The following NFIA variants were observed in gnomAD, a reference collection of about 807,000 sequenced individuals.
NFIA encodes nuclear factor 1 A-type.
NFIA carries 8 observed loss-of-function variants against 62.8 expected under a neutral mutation model. That is an observed-to-expected ratio of 0.13 (90% CI 0.07 to 0.23). The LOEUF (loss-of-function observed/expected upper bound fraction) is 0.23. Among genes scored for constraint, NFIA ranks in the 10% least tolerant of loss-of-function variants. The probability of loss-of-function intolerance (pLI) is 1.00; values close to 1 mark genes in which losing one functional copy is unlikely to be tolerated. For missense variants in NFIA, 410 were observed against 642.1 expected (o/e 0.64, Z 3.91); for synonymous variants, 235 against 238.1 (o/e 0.99, Z 0.12).
At chr1:61,182,914 G>C (rs141817147) in intron 2 of NFIA, among the ~76,000 whole-genome samples, 1 of 152,210 alleles carries the variant, frequency 6.6e-6, no homozygotes, top group African/African-American at 2.4e-5. Context: ...TGAAAACCAT[G>C]AAAAGGCTTT....
At chr1:61,120,042 A>G (rs759230791) in intron 2 of NFIA, among the ~76,000 whole-genome samples, 2 of 152,220 alleles carry the variant, frequency 1.3e-5, no homozygotes, top group Admixed American at 6.5e-5. Flanking sequence ...ATATTTGGAT[A>G]ATCAAGGCCA....
chr1:61,253,016 C>T (rs372287792), intron 2 of NFIA, among the ~76,000 whole-genome samples: 2 of 152,210 alleles, frequency 1.3e-5, no homozygotes, highest in Non-Finnish European at 1.5e-5. Flanking sequence ...CCTGAAATTA[C>T]GTGAAGGTTG....
At chr1:61,214,543 C>G (rs2100608002) in intron 2 of NFIA, among the ~76,000 whole-genome samples, 1 of 152,228 alleles carries the variant, frequency 6.6e-6, no homozygotes, top group Admixed American at 6.5e-5. Context: ...GAAAGAATGG[C>G]TATTATTATC....
At chr1:61,298,334 C>G (rs2806430) in intron 3 of NFIA, among the ~76,000 whole-genome samples, 124,867 of 152,042 alleles carry the variant, frequency 0.82, 51,444 homozygotes, top group East Asian at 0.9. Context: ...AGAACTGTGA[C>G]TCAAGTATAC....
intron 2 of NFIA, among the ~76,000 whole-genome samples, chr1:61,262,271 T>C (rs1656812060): frequency 6.6e-6 from 1 of 152,202 alleles, no homozygotes; most frequent in South Asian, 2.1e-4. Flanking sequence ...CTTTTCACAG[T>C]GAGGTTTCTT....
At chr1:61,342,308 G>A (rs1661966203) in intron 4 of NFIA, among the ~76,000 whole-genome samples, 1 of 152,048 alleles carries the variant, frequency 6.6e-6, no homozygotes, top group African/African-American at 2.4e-5. Context: ...ATTGGTTGTG[G>A]GGCTTATGTT....
At chr1:61,328,723 AT>A (rs35979153) in intron 3 of NFIA, among the ~76,000 whole-genome samples, 1,190 of 108,882 alleles carry the variant, frequency 0.011, 15 homozygotes, top group African/African-American at 0.025. Flanking sequence ...CCGGCCTATA[AT>A]TTTTTTTTTT....
At chr1:61,141,368 G>A (rs887592857) in intron 2 of NFIA, among the ~76,000 whole-genome samples, 6 of 151,796 alleles carry the variant, frequency 4.0e-5, no homozygotes, top group African/African-American at 7.3e-5. Context: ...TAACCCTGTC[G>A]TCCAAACCAG....
chr1:61,340,763 A>G lies in NFIA; in HGVS notation c.700+8177A>G, dbSNP rs1570605764. Among the ~76,000 whole-genome samples, 2 of 151,102 alleles carry G rather than the reference A, an allele frequency of 1.3e-5. 1 individual carries two copies. Among genetic ancestry groups the G allele is most frequent in the Middle Eastern group, 6.8e-3 (2 of 294 alleles). ...CAATTTTAGAATTCATGTTCTAACAACCAATTATTAGAAGAGCCACTCTAG... is the reference window on the plus strand; with the variant it reads ...CAATTTTAGAATTCATGTTCTAACAGCCAATTATTAGAAGAGCCACTCTAG... On this transcript the variant is annotated intron_variant, in intron 4 of 10. Transcript: ENST00000403491.
intron 10 of NFIA, among the ~76,000 whole-genome samples, chr1:61,432,219 A>AT (rs10719480): frequency 0.055 from 7,139 of 128,966 alleles, 334 homozygotes; most frequent in African/African-American, 0.14. Context: ...ACTTTTCCCT[A>AT]TTTTTTTTTT....
intron 2 of NFIA, among the ~76,000 whole-genome samples, chr1:61,204,845 A>T (rs1327066404): frequency 1.3e-5 from 2 of 151,904 alleles, no homozygotes; most frequent in African/African-American, 2.4e-5. Context: ...ATGCTGAGTG[A>T]TATTGAAAAC....
At chr1:61,227,142 C>G (rs1654383859) in intron 2 of NFIA, among the ~76,000 whole-genome samples, 1 of 152,174 alleles carries the variant, frequency 6.6e-6, no homozygotes, top group Non-Finnish European at 1.5e-5. Context: ...CATAGACAGA[C>G]ACTTTGACTG....
intron 5 of NFIA, among the ~76,000 whole-genome samples, chr1:61,358,561 C>T (rs1663102998): frequency 6.6e-6 from 1 of 151,580 alleles, no homozygotes; most frequent in Admixed American, 6.6e-5. Flanking sequence ...AATTTTTGCA[C>T]TTTTAGTAGA....
chr1:61,348,841 C>T lies in NFIA; in HGVS notation c.701-3609C>T, dbSNP rs574926111. ...GAGGGAGTGAGGGCCAGACAGTGTC[C>T]GCCATGCTCAGGAATGAAACGGCTT... is the stretch of plus-strand genomic sequence containing the variant. On this transcript the variant is annotated intron_variant, in intron 4 of 10. Coordinates refer to ENST00000403491, the MANE Select transcript of NFIA (RefSeq NM_001134673.4). Among the ~76,000 whole-genome samples the T allele has an allele frequency of 6.6e-5, 10 of 152,234 alleles. No individual in the cohort carries two copies. The South Asian group carries it at 8.3e-4, about 13-fold the overall frequency.
intron 2 of NFIA, among the ~76,000 whole-genome samples, chr1:61,141,528 T>C (rs1259050718): frequency 3.3e-5 from 5 of 152,218 alleles, no homozygotes; most frequent in Non-Finnish European, 5.9e-5. Flanking sequence ...ACTGTTAAAC[T>C]TGATAATTTC....
At chr1:61,218,773 G>A (rs1299488797) in intron 2 of NFIA, among the ~76,000 whole-genome samples, 1 of 152,216 alleles carries the variant, frequency 6.6e-6, no homozygotes, top group Admixed American at 6.5e-5. Context: ...AACCAATTCT[G>A]TGATGGTCAC....
rs556132997 is a variant in NFIA at position 61,127,125 on chromosome 1, A to T, written c.559+38445A>T. ...CAGTGAGCCAAGCTCGTGCCACTGC[A>T]CTCCAGCCTGGGTGACAGAACAAAA... is the stretch of plus-strand genomic sequence containing the variant. On this transcript the variant is annotated intron_variant, in intron 2 of 10. Coordinates refer to ENST00000403491, the MANE Select transcript of NFIA (RefSeq NM_001134673.4). Among the ~76,000 whole-genome samples, 3 of 148,000 alleles carry T rather than the reference A, an allele frequency of 2.0e-5. No individual in the cohort carries two copies. The South Asian group carries it at 6.5e-4, about 32-fold the overall frequency.
At chr1:61,386,760 T>C (rs1664707658) in intron 7 of NFIA, among the ~76,000 whole-genome samples, 2 of 152,088 alleles carry the variant, frequency 1.3e-5, no homozygotes. Context: ...TGAAGGGAGG[T>C]AGCGTAGCAC....
At chr1:61,446,255 C>A (rs1247668070) in intron 10 of NFIA, among the ~76,000 whole-genome samples, 1 of 152,200 alleles carries the variant, frequency 6.6e-6, no homozygotes, top group Non-Finnish European at 1.5e-5. Context: ...GCCACAGTTT[C>A]CTTTGCATTC....
Sources: gnomAD v4.1 joint callset for allele counts (sites outside exome capture counted in the v4.1 genomes callset) on GRCh38, gnomAD v4.1.1 for gene constraint, MANE v1.5 for transcripts, NCBI Gene and HGNC (gene_info 2026-07-23, HGNC 2026-07-21) for gene names.